The following RNF213 variants were observed in gnomAD, a reference collection of about 807,000 sequenced individuals.
RNF213 encodes ring finger protein 213.
A neutral mutation model predicts 514.4 loss-of-function variants in RNF213; 341 were observed. That is an observed-to-expected ratio of 0.66 (90% CI 0.61 to 0.73). The LOEUF (loss-of-function observed/expected upper bound fraction) is 0.73. Among genes scored for constraint, RNF213 ranks in the 30% least tolerant of loss-of-function variants. The pLI, the probability that RNF213 is intolerant of heterozygous loss-of-function variation, is 0.00. For missense variants in RNF213, 5,767 were observed against 6,615.6 expected (o/e 0.87, Z 4.45); for synonymous variants, 2,655 against 2,658.2 (o/e 1.00, Z 0.04).
intron 25 of RNF213, 84 bp from the exon 26 acceptor site, chr17:80,339,117 C>A (rs1003175158): frequency 5.0e-6 from 6 of 1,199,502 alleles, no homozygotes; most frequent in African/African-American, 1.5e-5. Context: ...CGTCTTTTGG[C>A]GGTAGGCCTG....
At chr17:80,341,259 C>T (rs1015441620) in intron 26 of RNF213, 5 of 152,302 alleles carry the variant, frequency 3.3e-5, no homozygotes, top group African/African-American at 1.2e-4. Flanking sequence ...TTCTTCTGCC[C>T]TTAAATGCCA....
intron 44 of RNF213, among the ~76,000 whole-genome samples, chr17:80,368,936 AAGCCC>A (rs996896143): frequency 7.2e-5 from 11 of 152,198 alleles, no homozygotes; most frequent in African/African-American, 1.7e-4. Context: ...GGCACCAGGC[AAGCCC>A]AGTGGATGGG....
chr17:80,318,596 C>T (rs555882303), intron 16 of RNF213, among the ~76,000 whole-genome samples: 17 of 151,066 alleles, frequency 1.1e-4, no homozygotes, highest in South Asian at 8.4e-4. Flanking sequence ...TTTTTTGAGA[C>T]GGGGTCTCGC....
chr17:80,305,108 C>T (rs1369523231), intron 11 of RNF213, among the ~76,000 whole-genome samples: 2 of 151,842 alleles, frequency 1.3e-5, no homozygotes, highest in African/African-American at 2.4e-5. Context: ...CTGCTGGCCT[C>T]AAGCTATCCA....
rs528851335 is a variant in RNF213 at position 80,261,609 on chromosome 17, T to C, written c.-109+707T>C. Among the ~76,000 whole-genome samples the C allele has an allele frequency of 2.0e-5, 3 of 152,362 alleles. No homozygotes were observed. In the East Asian group the frequency reaches 5.8e-4, roughly 29 times the overall value. On this transcript the variant is annotated intron_variant, in intron 1 of 67. Coordinates refer to ENST00000582970, the MANE Select transcript of RNF213 (RefSeq NM_001256071.3). ...ATGGGCTTTGATTTGGGTGGCAGTG[T>C]CTGTGCTTGGGAAAAAATGTCAGAG... is the stretch of plus-strand genomic sequence containing the variant.
Position 80,343,377 on chromosome 17 carries a change from C to T in RNF213, c.6183+52C>T. 2 of 1,499,136 alleles carry T rather than the reference C, an allele frequency of 1.3e-6. No individual in the cohort carries two copies. The highest frequency in any genetic ancestry group is 1.8e-6 in the Non-Finnish European group (2 of 1,087,368). The allele number at this position is 1,499,136 out of a possible 1,614,324, so 92.9% of individuals were successfully genotyped here. ...GGCCACATCAGTAAAGACGTGGTCCCCATGTCTCTGCGTGACTCCTCCCCG... is the reference window on the plus strand; with the variant it reads ...GGCCACATCAGTAAAGACGTGGTCCTCATGTCTCTGCGTGACTCCTCCCCG... On this transcript the variant is annotated intron_variant, in intron 27 of 67. Coordinates refer to ENST00000582970, the MANE Select transcript of RNF213 (RefSeq NM_001256071.3). This position sits in a 1 kb window ranked among gnomAD's most constrained non-coding sequence, Gnocchi z 4.3.
Position 80,295,618 on chromosome 17 carries a change from G to T in RNF213, c.1817G>T (p.Ser606Ile). ...GTGGTACCATTGCCGGACGGAAAAA[G>T]CACGGACTTTTTGCCTGTGGACTGC... ...KHVVPLPDGK[S>I]TDFLPVDCPV... is the part of the protein sequence containing the mutation. Residue 606 changes from serine to isoleucine, a missense_variant, in exon 10 of 68, where the codon AGC becomes ATC. Around this residue, in one of 13 missense-constraint regions of RNF213, gnomAD observed 592 missense variants for 673.9 expected, o/e 0.88. Coordinates refer to ENST00000582970, the MANE Select transcript of RNF213 (RefSeq NM_001256071.3). The T allele has an allele frequency of 1.2e-6, 2 of 1,614,168 alleles. No homozygotes were observed.
intron 31 of RNF213, 109 bp downstream of exon 31, chr17:80,350,505 T>A (rs886670452): frequency 6.9e-6 from 5 of 720,332 alleles, no homozygotes; most frequent in Non-Finnish European, 1.2e-5. Flanking sequence ...AGTATAGAAA[T>A]AAAAATAACA....
intron 15 of RNF213, among the ~76,000 whole-genome samples, chr17:80,314,052 G>A (rs1489511491): frequency 3.0e-5 from 3 of 99,060 alleles, no homozygotes; most frequent in African/African-American, 1.6e-4. Context: ...GGTGGAGGTG[G>A]TGGAGGTAAT....
At chr17:80,302,934 C>G (rs1230746810) in intron 11 of RNF213, among the ~76,000 whole-genome samples, 2 of 152,164 alleles carry the variant, frequency 1.3e-5, no homozygotes, top group Non-Finnish European at 2.9e-5. Context: ...TTTAATAGAA[C>G]AGTCATAATG....
In RNF213 at chr17:80,345,815, G is replaced by A. The variant is rs1219491528; in HGVS notation, c.7480G>A (p.Ala2494Thr). ...TTTTGATGAAGCCAACACAACGGAA[G>A]CTATAAGCTGTATCAAAGAAGTCCT... Reference protein sequence around the residue: ...LFFDEANTTEAISCIKEVLCD... With the variant: ...LFFDEANTTETISCIKEVLCD... Residue 2494 changes from alanine (A) to threonine (T), a missense_variant, in exon 29 of 68, where the codon GCT (alanine) becomes ACT (threonine). Ala to Thr is a moderately conservative substitution (Grantham distance 58). This residue lies in a region of RNF213 where 1,377 missense variants were observed against 1,635.2 expected (regional missense o/e 0.84). Transcript: ENST00000582970. This position sits in a 1 kb window ranked among gnomAD's most constrained non-coding sequence, Gnocchi z 6.0. 1.9e-6 allele frequency: 3 copies of A among 1,614,022 alleles called. No individual in the cohort carries two copies. Among genetic ancestry groups the A allele is most frequent in the Non-Finnish European group, 2.5e-6 (3 of 1,180,052 alleles).
intron 17 of RNF213, among the ~76,000 whole-genome samples, chr17:80,324,637 A>G (rs144941559): frequency 3.5e-4 from 54 of 152,288 alleles, no homozygotes; most frequent in African/African-American, 1.2e-3. Flanking sequence ...TGTTGTTTGT[A>G]GGCAGCTTTT....
chr17:80,314,344 TGGTGGA>T (rs1279006131), intron 15 of RNF213, among the ~76,000 whole-genome samples: 1 of 18,696 alleles, frequency 5.3e-5, no homozygotes, highest in Admixed American at 3.7e-4. Flanking sequence ...GTGGTGGTGG[TGGTGGA>T]GGTACTGGAG....
Position 80,307,183 on chromosome 17 carries a change from T to C in RNF213, c.2483T>C (p.Leu828Pro). ...ATTTTAGAAATGCTGTTGCGACTCC[T>C]GGACACTTACCGGGACAAGTAAGTG... ...QNILEMLLRL[L>P]DTYRDKIPEE... The change falls in exon 13 of 68, where the codon CTG becomes CCG. Residue 828 changes from leucine (L) to proline (P), a missense_variant. Physicochemically the swap from Leu to Pro is moderately conservative, Grantham distance 98. Transcript: ENST00000582970. 1.2e-6 allele frequency: 2 copies of C among 1,613,910 alleles called. No individual in the cohort carries two copies. Among genetic ancestry groups the C allele is most frequent in the Non-Finnish European group, 1.7e-6 (2 of 1,179,886 alleles).
At chr17:80,363,408 G>A (rs1599135774) in intron 40 of RNF213, 94 bp downstream of exon 40, 1 of 1,372,812 alleles carries the variant, frequency 7.3e-7, no homozygotes, top group East Asian at 2.3e-5. Flanking sequence ...TTCCAAGTGG[G>A]AGATTTCTTC....
At chr17:80,381,295 A>AT in intron 56 of RNF213, 1 of 598,628 alleles carries the variant, frequency 1.7e-6, no homozygotes, top group Non-Finnish European at 3.0e-6. Context: ...GCTAGGGAAG[A>AT]AAGAGCACAC....
At chr17:80,272,860 C>G (rs73442421) in intron 2 of RNF213, among the ~76,000 whole-genome samples, 1,764 of 152,258 alleles carry the variant, frequency 0.012, 27 homozygotes, top group African/African-American at 0.041. Context: ...AATGCCCACC[C>G]TGGGGAAGAC....
chr17:80,392,087 C>T (rs1295805396), intron 67 of RNF213, among the ~76,000 whole-genome samples: 2 of 152,028 alleles, frequency 1.3e-5, no homozygotes, highest in Non-Finnish European at 2.9e-5. Flanking sequence ...TCTTCTTGTG[C>T]TTTCACATAC....
chr17:80,374,259 T>C (rs1241222745), intron 49 of RNF213, among the ~76,000 whole-genome samples, 199 bp from the exon 50 acceptor site: 1 of 152,222 alleles, frequency 6.6e-6, no homozygotes, highest in Non-Finnish European at 1.5e-5. Context: ...TCCCTGCACT[T>C]GCACCTCTTC....
Sources: allele counts gnomAD v4.1 joint callset (sites outside exome capture counted in the v4.1 genomes callset), GRCh38; gene constraint gnomAD v4.1.1; regional missense constraint gnomAD v4.1.1; non-coding constraint Gnocchi (gnomAD v3.1); transcripts MANE v1.5; gene names NCBI Gene and HGNC (gene_info 2026-07-23, HGNC 2026-07-21).